Variants in MICAL3 observed in about 807,000 individuals in gnomAD.
MICAL3 encodes [F-actin]-monooxygenase MICAL3.
A neutral mutation model predicts 207.4 loss-of-function variants in MICAL3; 62 were observed. The ratio of observed to expected loss-of-function variants is 0.30; its 90% CI spans 0.24 to 0.37. The LOEUF (loss-of-function observed/expected upper bound fraction) is 0.37, where lower values mean the gene tolerates loss of function less well. Among genes scored for constraint, MICAL3 ranks in the 10% least tolerant of loss-of-function variants. The pLI is 1.00. For synonymous variants in MICAL3, 1,077 were observed against 1,069.3 expected (o/e 1.01, Z -0.14); for missense variants, 2,368 against 2,635.6 (o/e 0.90, Z 2.22).
intron 1 of MICAL3, among the ~76,000 whole-genome samples, chr22:18,018,440 C>T (rs1056188355): frequency 1.3e-5 from 2 of 152,084 alleles, no homozygotes; most frequent in Admixed American, 6.6e-5. Flanking sequence ...TATACATATA[C>T]AGGCTGGACA....
At chr22:18,000,653 C>T (rs1922858206) in intron 1 of MICAL3, among the ~76,000 whole-genome samples, 2 of 152,220 alleles carry the variant, frequency 1.3e-5, no homozygotes, top group Non-Finnish European at 2.9e-5. Context: ...TCCCATGTGC[C>T]CCGGAGACCT....
At chr22:17,831,098 G>C (rs1922751662) in intron 21 of MICAL3, among the ~76,000 whole-genome samples, 1 of 152,190 alleles carries the variant, frequency 6.6e-6, no homozygotes, top group South Asian at 2.1e-4. Context: ...CTGGTGCTCA[G>C]AAATTAAAGG....
In MICAL3 at chr22:17,959,476, G is replaced by A. The variant is rs1032472355; in HGVS notation, c.-74-52590C>T. On this transcript the variant is annotated intron_variant, in intron 1 of 31. Coordinates refer to ENST00000441493, the MANE Select transcript of MICAL3 (RefSeq NM_015241.3). ...ATTACAGGCACCTGCCACCAGGCCCGGCTAATTTTTGTATTTTTAGTAGAG... is the reference window on the plus strand; with the variant it reads ...ATTACAGGCACCTGCCACCAGGCCCAGCTAATTTTTGTATTTTTAGTAGAG... Among the ~76,000 whole-genome samples, 7 of 151,904 alleles carry A rather than the reference G, an allele frequency of 4.6e-5. No individual in the cohort carries two copies. The East Asian group carries it at 5.8e-4, about 13-fold the overall frequency.
chr22:17,812,029 G>A (rs557824556), intron 27 of MICAL3, among the ~76,000 whole-genome samples: 17 of 152,320 alleles, frequency 1.1e-4, no homozygotes, highest in Non-Finnish European at 2.4e-4. Flanking sequence ...GATTACAGGT[G>A]TGAGCCACCA....
At chr22:17,827,934 T>TAC (rs60820224) in intron 21 of MICAL3, among the ~76,000 whole-genome samples, 153 bp from the exon 22 acceptor site, 2,827 of 150,764 alleles carry the variant, frequency 0.019, 78 homozygotes, top group African/African-American at 0.063. Flanking sequence ...TGCACATGTA[T>TAC]ACACACACAC....
chr22:17,980,883 C>A (rs766122922), intron 1 of MICAL3: 2 of 532,036 alleles, frequency 3.8e-6, no homozygotes, highest in Non-Finnish European at 7.8e-6. Context: ...TCACTTCCGA[C>A]TAAGTGCCAG....
At chr22:17,825,457 C>T (rs186509509) in intron 22 of MICAL3, among the ~76,000 whole-genome samples, 139 of 150,540 alleles carry the variant, frequency 9.2e-4, no homozygotes, top group African/African-American at 3.2e-3. Context: ...TTCCTTCAGC[C>T]GCCAGCTGGG....
chr22:17,894,862 A>G lies in MICAL3; in HGVS notation c.1449+422T>C, dbSNP rs1417717162. Among the ~76,000 whole-genome samples, 3 of 152,050 alleles carry G rather than the reference A, an allele frequency of 2.0e-5. No homozygotes were observed. In the East Asian group the frequency reaches 5.8e-4, roughly 29 times the overall value. On this transcript the variant is annotated intron_variant, in intron 10 of 31. Transcript: ENST00000441493. ...CAAGTGAACAATCTCTTTTGTCCTC[A>G]CAATAATCCTGTGAGTAGTCAGGGA...
chr22:17,958,705 A>ATTT (rs201043833), intron 1 of MICAL3, among the ~76,000 whole-genome samples: 1 of 135,616 alleles, frequency 7.4e-6, no homozygotes, highest in Non-Finnish European at 1.5e-5. Context: ...GGGTTTTTTT[A>ATTT]TTTTTTTTTT....
chr22:17,820,343 T>C (rs897102639), intron 25 of MICAL3, among the ~76,000 whole-genome samples: 3 of 152,210 alleles, frequency 2.0e-5, no homozygotes, highest in Non-Finnish European at 4.4e-5. Context: ...ACAGGCTGTC[T>C]GCATGGACGC....
At chr22:17,886,465 G>C (rs1243528891) in intron 15 of MICAL3, among the ~76,000 whole-genome samples, 1 of 152,178 alleles carries the variant, frequency 6.6e-6, no homozygotes. Flanking sequence ...CCAGGAGTTT[G>C]AGACCAGCCT....
At chr22:17,863,685 G>A in intron 19 of MICAL3, 1 of 985,442 alleles carries the variant, frequency 1.0e-6, no homozygotes, top group East Asian at 1.1e-4. Context: ...ATGGCTCCCA[G>A]GGCACACCGC....
At chr22:17,932,176 G>A (rs1362476798) in intron 1 of MICAL3, among the ~76,000 whole-genome samples, 1 of 152,124 alleles carries the variant, frequency 6.6e-6, no homozygotes. Flanking sequence ...CACATAATTG[G>A]CAGATTCACC....
At chr22:17,857,204 C>CA (rs1926019137) in intron 19 of MICAL3, among the ~76,000 whole-genome samples, 1 of 152,230 alleles carries the variant, frequency 6.6e-6, no homozygotes, top group Non-Finnish European at 1.5e-5. Context: ...TGTCAGGAAC[C>CA]AGGCCGCATA....
At chr22:18,008,902 C>T (rs1224309396) in intron 1 of MICAL3, among the ~76,000 whole-genome samples, 5 of 151,376 alleles carry the variant, frequency 3.3e-5, no homozygotes, top group Non-Finnish European at 7.4e-5. Flanking sequence ...CCAGCCTGGG[C>T]GACACAGCGA....
chr22:17,861,922 GGT>G lies in MICAL3; in HGVS notation c.2605+2975_2605+2976del, dbSNP rs1303909226. 4.1e-6 allele frequency: 4 copies of G among 985,256 alleles called. No individual in the cohort carries two copies. The East Asian group carries it at 3.4e-4, about 84-fold the overall frequency. 61.0% of individuals were successfully genotyped at this position (985,256 alleles called of 1,614,324 possible). A position where few individuals can be genotyped will look rare whatever the true frequency, so the allele number is the denominator to read the frequency against. ...GAACTGCAGGTTGTAATTGGGTGTG[GGT>G]GTGTTTTTTTGTTTTTGTTTTGGCA... On this transcript the variant is annotated intron_variant, in intron 19 of 31. Transcript: ENST00000441493.
chr22:17,966,612 ACT>A (rs1429062305), intron 1 of MICAL3, among the ~76,000 whole-genome samples: 1 of 152,006 alleles, frequency 6.6e-6, no homozygotes. Context: ...ATTAATCCTG[ACT>A]CTGCCACACA....
chr22:17,836,963 G>A (rs966846821), intron 20 of MICAL3, among the ~76,000 whole-genome samples: 7 of 152,182 alleles, frequency 4.6e-5, no homozygotes, highest in African/African-American at 1.4e-4. Context: ...GGTTTTTAAA[G>A]GGCAATGGGT....
chr22:17,915,927 CA>C (rs1184418564), intron 1 of MICAL3, among the ~76,000 whole-genome samples: 4 of 151,492 alleles, frequency 2.6e-5, no homozygotes, highest in African/African-American at 9.7e-5. Flanking sequence ...CTCATCTCTA[CA>C]AAAAATTAAA....
Sources: gnomAD v4.1 joint callset for allele counts (sites outside exome capture counted in the v4.1 genomes callset) on GRCh38, gnomAD v4.1.1 for gene constraint, MANE v1.5 for transcripts, NCBI Gene and HGNC (gene_info 2026-07-23, HGNC 2026-07-21) for gene names.